The following STK3 variants were observed in gnomAD, a reference collection of about 807,000 sequenced individuals.
STK3 encodes serine/threonine-protein kinase 3.
STK3 carries 41 observed loss-of-function variants against 58.0 expected under a neutral mutation model. The observed-to-expected ratio is 0.71, with a 90% confidence interval of 0.55 to 0.92. STK3 has a LOEUF of 0.92. STK3 is among the 40% of genes least tolerant of loss of function. The probability of loss-of-function intolerance (pLI) is 0.00; values close to 1 mark genes in which losing one functional copy is unlikely to be tolerated. For missense variants in STK3, 479 were observed against 602.7 expected, an observed-to-expected ratio of 0.79 and a Z score of 2.15; for synonymous variants, 170 against 191.0, an observed-to-expected ratio of 0.89 and a Z score of 0.91.
At chr8:98,609,383 G>A (rs1046033012) in intron 6 of STK3, among the ~76,000 whole-genome samples, 1 of 152,116 alleles carries the variant, frequency 6.6e-6, no homozygotes, top group Non-Finnish European at 1.5e-5. Flanking sequence ...TTTAAGCCAT[G>A]AAATTTTTAT....
At chr8:98,697,067 C>T (rs1466405482) in intron 6 of STK3, among the ~76,000 whole-genome samples, 2 of 152,186 alleles carry the variant, frequency 1.3e-5, no homozygotes, top group Non-Finnish European at 2.9e-5. Flanking sequence ...GATTCAACTT[C>T]TTCCTGGTTT....
chr8:98,866,972 A>T (rs1837168924), intron 3 of STK3, among the ~76,000 whole-genome samples: 1 of 152,162 alleles, frequency 6.6e-6, no homozygotes, highest in African/African-American at 2.4e-5. Context: ...GTGAACTGTT[A>T]ACAGGTAACT....
At chr8:98,738,420 C>G (rs1828814016) in intron 4 of STK3, among the ~76,000 whole-genome samples, 1 of 151,944 alleles carries the variant, frequency 6.6e-6, no homozygotes, top group Non-Finnish European at 1.5e-5. Context: ...TTGCAGTGAG[C>G]CAAGATCACG....
intron 1 of STK3, among the ~76,000 whole-genome samples, chr8:98,445,107 CG>C (rs1818880822): frequency 6.6e-6 from 1 of 152,078 alleles, no homozygotes; most frequent in Non-Finnish European, 1.5e-5. Context: ...TTTTTTAAAG[CG>C]TACAGTTCCA....
At chr8:98,766,584 T>C (rs1830965234) in intron 3 of STK3, among the ~76,000 whole-genome samples, 1 of 151,930 alleles carries the variant, frequency 6.6e-6, no homozygotes, top group South Asian at 2.1e-4. Context: ...CCTGGATAAT[T>C]TTTTCTTTTT....
At chr8:98,626,669 A>G (rs1016578517) in intron 6 of STK3, among the ~76,000 whole-genome samples, 1 of 152,234 alleles carries the variant, frequency 6.6e-6, no homozygotes, top group Non-Finnish European at 1.5e-5. Context: ...TTTAAAAGAA[A>G]CTAAATGTAT....
chr8:98,412,501 G>A (rs1818068719), intron 3 of STK3, among the ~76,000 whole-genome samples: 1 of 152,190 alleles, frequency 6.6e-6, no homozygotes, highest in African/African-American at 2.4e-5. Flanking sequence ...CAGTTTCAAA[G>A]CCAACTTGAT....
At chr8:98,512,131 C>A (rs575730367) in intron 10 of STK3, among the ~76,000 whole-genome samples, 39 of 152,050 alleles carry the variant, frequency 2.6e-4, no homozygotes, top group African/African-American at 9.4e-4. Flanking sequence ...CTCCCCCCAC[C>A]ACACAACAGG....
At chr8:98,737,140 T>C (rs1828662958) in intron 4 of STK3, among the ~76,000 whole-genome samples, 1 of 152,226 alleles carries the variant, frequency 6.6e-6, no homozygotes, top group African/African-American at 2.4e-5. Flanking sequence ...CATGTTTTTA[T>C]ATCTTTTTTT....
intron 10 of STK3, among the ~76,000 whole-genome samples, chr8:98,468,893 G>A (rs371994880): frequency 1.1e-4 from 17 of 152,098 alleles, no homozygotes; most frequent in African/African-American, 3.9e-4. Context: ...GGCGGATCAC[G>A]AGGTCAAGAG....
chr8:98,368,633 T>C (rs1187671412), downstream of STK3, among the ~76,000 whole-genome samples: 1 of 152,162 alleles, frequency 6.6e-6, no homozygotes, highest in Non-Finnish European at 1.5e-5. Flanking sequence ...AACCTATGTC[T>C]CCTGCATTCA....
chr8:98,733,007 C>T (rs1042529879), intron 4 of STK3, among the ~76,000 whole-genome samples: 1 of 152,160 alleles, frequency 6.6e-6, no homozygotes, highest in East Asian at 1.9e-4. Context: ...TCCATTTAGA[C>T]CACATGCTGG....
chr8:98,919,009 C>T (rs1479954693), intron 1 of STK3, among the ~76,000 whole-genome samples: 1 of 151,910 alleles, frequency 6.6e-6, no homozygotes, highest in South Asian at 2.1e-4. Flanking sequence ...GGGCTCAAAA[C>T]AGTGAGAATG....
the STK3 span, among the ~76,000 whole-genome samples, chr8:98,356,914 G>C: frequency 6.6e-6 from 1 of 152,144 alleles, no homozygotes; most frequent in African/African-American, 2.4e-5. Context: ...AGCGTGGTCG[G>C]TCTGTGGCCA....
At chr8:98,655,226 C>A (rs1235404690) in intron 6 of STK3, among the ~76,000 whole-genome samples, 1 of 152,140 alleles carries the variant, frequency 6.6e-6, no homozygotes, top group Non-Finnish European at 1.5e-5. Context: ...CAAAAACAAG[C>A]AATGGGGAAA....
intron 6 of STK3, among the ~76,000 whole-genome samples, chr8:98,620,482 A>G (rs1818190092): frequency 6.7e-6 from 1 of 149,016 alleles, no homozygotes; most frequent in African/African-American, 2.4e-5. Context: ...AAATAAATAA[A>G]TAAATAAATA....
intron 3 of STK3, among the ~76,000 whole-genome samples, chr8:98,869,163 G>C (rs550756058): frequency 1.3e-5 from 2 of 151,994 alleles, no homozygotes; most frequent in East Asian, 3.9e-4. Context: ...GCTCTTGCCC[G>C]TAGTCCCAGC....
Position 98,455,943 on chromosome 8 carries a change from T to A in STK3, c.1375A>T (p.Met459Leu). The A allele has an allele frequency of 6.2e-7, 1 of 1,613,358 alleles. No homozygotes were observed. The highest frequency in any genetic ancestry group is 1.1e-5 in the South Asian group (1 of 90,890). The change falls in exon 11 of 11, where the codon ATG (methionine) becomes TTG (leucine). Residue 459 changes from methionine (M) to leucine (L), a missense_variant. By Grantham distance (15) the Met-to-Leu change is conservative (BLOSUM62 2). This residue lies in a region of STK3 where 309 missense variants were observed against 355.7 expected (regional missense o/e 0.87). Coordinates refer to ENST00000419617, the MANE Select transcript of STK3 (RefSeq NM_006281.4). ...QMRLKALDPM[M>L]EREIEELRQR... is the part of the protein sequence containing the mutation. ...CGAAGTTCTTCTATCTCCCGTTCCA[T>A]CATGGGGTCCAGTGCTTTTAACCGC...
At chr8:98,681,093 G>A (rs1315899841) in intron 6 of STK3, among the ~76,000 whole-genome samples, 1 of 151,582 alleles carries the variant, frequency 6.6e-6, no homozygotes, top group Non-Finnish European at 1.5e-5. Flanking sequence ...CCGCCTTCTG[G>A]GTTCAAGCAA....
Sources: gnomAD v4.1 joint callset for allele counts (sites outside exome capture counted in the v4.1 genomes callset) on GRCh38, gnomAD v4.1.1 for gene constraint, gnomAD v4.1.1 regional missense constraint, MANE v1.5 for transcripts, NCBI Gene and HGNC (gene_info 2026-07-23, HGNC 2026-07-21) for gene names.